RCC1: variants seen among roughly 807,000 people sequenced by gnomAD.
RCC1 encodes regulator of chromosome condensation 1.
In RCC1, 11 loss-of-function variants were observed where a neutral mutation model predicts 44.4. The observed-to-expected ratio is 0.25, with a 90% CI of 0.16 to 0.41. The LOEUF is 0.41. Ranked by LOEUF, RCC1 falls within the 10% of genes least tolerant of loss-of-function variation. RCC1 has a pLI of 1.00. For synonymous variants in RCC1, 213 were observed against 216.5 expected, an observed-to-expected ratio of 0.98 and a Z score of 0.14; for missense variants, 386 against 547.1, an observed-to-expected ratio of 0.71 and a Z score of 2.94.
intron 5 of RCC1, among the ~76,000 whole-genome samples, chr1:28,531,014 C>T (rs565788500): frequency 1.3e-5 from 2 of 152,118 alleles, no homozygotes; most frequent in Non-Finnish European, 2.9e-5. Flanking sequence ...TGGCTCACGC[C>T]TGTCAGAAGA....
In RCC1 at chr1:28,536,634, C is replaced by G. The variant is rs1177201073; in HGVS notation, c.938-113C>G. 7.6e-7 allele frequency: 1 copy of G among 1,321,474 alleles called. No individual in the cohort carries two copies. Among genetic ancestry groups the G allele is most frequent in the Admixed American group, 2.0e-5 (1 of 49,824 alleles). 81.9% of individuals were successfully genotyped at this position (1,321,474 alleles called of 1,614,324 possible). On this transcript the variant is annotated intron_variant, in intron 11 of 12. Transcript: ENST00000683442. This position sits in a 1 kb window ranked among gnomAD's most constrained non-coding sequence, Gnocchi z 4.9. ...GAGACACTGCAGATCTCCTTCTGAT[C>G]GCTCTGGGAGCAGGGACACACTCCC...
chr1:28,518,739 C>T (rs1663082914), intron 4 of RCC1: 1 of 152,086 alleles, frequency 6.6e-6, no homozygotes, highest in African/African-American at 2.4e-5. Flanking sequence ...GGAGGGAGCC[C>T]TGCCCGGGAG....
At chr1:28,517,320 C>G (rs141355241) in intron 4 of RCC1, among the ~76,000 whole-genome samples, 46 of 152,184 alleles carry the variant, frequency 3.0e-4, no homozygotes, top group Non-Finnish European at 4.7e-4. Flanking sequence ...AAGAGACAGC[C>G]TTTTCTTGGT....
rs1409302417 is a variant in RCC1 at position 28,514,125 on chromosome 1, C to G, written c.-152-2600C>G. Among the ~76,000 whole-genome samples, 6 of 151,278 alleles carry G rather than the reference C, an allele frequency of 4.0e-5. No individual in the cohort carries two copies. The East Asian group carries it at 1.2e-3, about 29-fold the overall frequency. ...GAGGTTGCAGTGAGCTGAGATCGTG[C>G]CAGCCTAGGCAACAGAGCAAGACTC... is the stretch of plus-strand genomic sequence containing the variant. On this transcript the variant is annotated intron_variant, in intron 3 of 12. Coordinates refer to ENST00000683442, the MANE Select transcript of RCC1 (RefSeq NM_001381865.2).
chr1:28,513,990 G>A (rs918920099), intron 3 of RCC1, among the ~76,000 whole-genome samples: 6 of 151,254 alleles, frequency 4.0e-5, no homozygotes, highest in Non-Finnish European at 8.8e-5. Flanking sequence ...GTGAAACCCC[G>A]CCTCTACTAA....
At chr1:28,533,085 A>T (rs1397389674) in intron 7 of RCC1, among the ~76,000 whole-genome samples, 1 of 152,116 alleles carries the variant, frequency 6.6e-6, no homozygotes, top group Non-Finnish European at 1.5e-5. Flanking sequence ...AAGTGCTAGG[A>T]TTACAGGCGT....
In RCC1 at chr1:28,537,819, C is replaced by T. The variant is rs767640955; in HGVS notation, c.1091-13C>T. On this transcript the variant is annotated splice_polypyrimidine_tract_variant and intron_variant, in intron 12 of 12. Transcript: ENST00000683442. Reference sequence around the variant, plus strand: ...ATCCTGGAGACAGCTGTACCCATTTCTCTCTCTTGCAGGTCGTGTTTTCGC... The same window carrying T: ...ATCCTGGAGACAGCTGTACCCATTTTTCTCTCTTGCAGGTCGTGTTTTCGC... 1 of 1,607,970 alleles carries T rather than the reference C, an allele frequency of 6.2e-7. No homozygotes were observed. The highest frequency in any genetic ancestry group is 8.5e-7 in the Non-Finnish European group (1 of 1,177,802).
intron 4 of RCC1, among the ~76,000 whole-genome samples, chr1:28,523,483 G>T (rs559080274): frequency 6.6e-6 from 1 of 152,172 alleles, no homozygotes; most frequent in Admixed American, 6.6e-5. Context: ...GTAGTGAAAC[G>T]CTCCAGAATA....
chr1:28,510,032 G>A (rs996987390), intron 3 of RCC1: 3 of 152,198 alleles, frequency 2.0e-5, no homozygotes, highest in Non-Finnish European at 2.9e-5. Context: ...ACTTTGTCAA[G>A]CCCCCTGCAC....
At chr1:28,526,909 AAAAAG>A in intron 4 of RCC1, 13 of 775,822 alleles carry the variant, frequency 1.7e-5, no homozygotes, top group Non-Finnish European at 2.5e-5. Context: ...AAAAAAAAAA[AAAAAG>A]AAAGAAATCC....
chr1:28,532,091 G>C (rs1312987671), intron 6 of RCC1, 80 bp from the exon 7 acceptor site: 9 of 1,571,666 alleles, frequency 5.7e-6, no homozygotes, highest in Non-Finnish European at 7.8e-6. Flanking sequence ...AATGGAGCTG[G>C]CTAGTCAAGT....
chr1:28,514,005 AC>A lies in RCC1; in HGVS notation c.-152-2719del, dbSNP rs896480072. 3.4e-3 allele frequency among the ~76,000 whole-genome samples: 513 copies of A among 151,348 alleles called. 5 individuals carry two copies. Among genetic ancestry groups the A allele is most frequent in the South Asian group, 0.012 (58 of 4,814 alleles). On this transcript the variant is annotated intron_variant, in intron 3 of 12. Coordinates refer to ENST00000683442, the MANE Select transcript of RCC1 (RefSeq NM_001381865.2). ...GTGAAACCCCGCCTCTACTAAAAAT[AC>A]AAAAAAAAAAAAATTAGCCAGGTGT...
intron 4 of RCC1, among the ~76,000 whole-genome samples, chr1:28,524,626 G>C (rs140179988): frequency 3.3e-5 from 5 of 152,220 alleles, no homozygotes; most frequent in Admixed American, 2.6e-4. Context: ...GGGAGTCCAA[G>C]GCTAGAGAAT....
intron 3 of RCC1, among the ~76,000 whole-genome samples, chr1:28,514,172 G>C (rs921855354): frequency 6.6e-5 from 10 of 150,460 alleles, no homozygotes; most frequent in African/African-American, 2.4e-4. Flanking sequence ...AAAAAAAGGC[G>C]GGGCCCGGTG....
At chr1:28,534,935 T>G in intron 7 of RCC1, 115 bp from the exon 8 acceptor site, 2 of 772,846 alleles carry the variant, frequency 2.6e-6, no homozygotes, top group Non-Finnish European at 4.7e-6. Context: ...TATTTGAGTA[T>G]GTGGCCTGGC....
At chr1:28,507,757 C>A in intron 1 of RCC1, 1 of 339,902 alleles carries the variant, frequency 2.9e-6, no homozygotes, top group South Asian at 2.3e-5. Context: ...CAGGCCCCCG[C>A]CACCACGCCA....
chr1:28,513,808 C>A (rs1662701437), intron 3 of RCC1, among the ~76,000 whole-genome samples: 1 of 151,984 alleles, frequency 6.6e-6, no homozygotes, highest in African/African-American at 2.4e-5. Flanking sequence ...TGGTCTTGAC[C>A]TCCAGGGCTC....
chr1:28,508,260 A>G, intron 2 of RCC1, 100 bp downstream of exon 2: 1 of 374,456 alleles, frequency 2.7e-6, no homozygotes, highest in Admixed American at 3.3e-5. Flanking sequence ...GTTGGTCAGG[A>G]TTTACCTCTG....
chr1:28,517,514 C>A (rs911998649), intron 4 of RCC1, among the ~76,000 whole-genome samples: 4 of 152,178 alleles, frequency 2.6e-5, no homozygotes, highest in African/African-American at 7.2e-5. Flanking sequence ...TGGGTGTTCA[C>A]ACGCATATGA....
Sources: gnomAD v4.1 joint callset for allele counts (sites outside exome capture counted in the v4.1 genomes callset) on GRCh38, gnomAD v4.1.1 for gene constraint, Gnocchi (gnomAD v3.1) non-coding constraint, MANE v1.5 for transcripts, NCBI Gene and HGNC (gene_info 2026-07-23, HGNC 2026-07-21) for gene names.